Variants in BIRC6 observed in about 807,000 individuals in gnomAD.
The protein encoded by BIRC6 is dual E2 ubiquitin-conjugating enzyme/E3 ubiquitin-protein ligase BIRC6.
BIRC6 carries 98 observed loss-of-function variants against 503.3 expected under a neutral mutation model. The ratio of observed to expected loss-of-function variants is 0.19; its 90% CI spans 0.17 to 0.23. BIRC6 has a LOEUF of 0.23. BIRC6 is among the 10% of genes least tolerant of loss of function. BIRC6 has a pLI of 1.00. For synonymous variants in BIRC6, 2,240 were observed against 2,078.7 expected (o/e 1.08, Z -2.11); for missense variants, 5,360 against 5,806.0 (o/e 0.92, Z 2.50).
At chr2:32,401,648 T>G in intron 8 of BIRC6, 25 bp downstream of exon 8, 2 of 1,579,654 alleles carry the variant, frequency 1.3e-6, no homozygotes, top group Non-Finnish European at 1.7e-6. Context: ...TTTAGTAGTA[T>G]TTAATAGATG....
At chr2:32,460,891 G>A (rs1364529147) in intron 23 of BIRC6, among the ~76,000 whole-genome samples, 1 of 151,900 alleles carries the variant, frequency 6.6e-6, no homozygotes, top group Non-Finnish European at 1.5e-5. Flanking sequence ...CCCCTTGACT[G>A]TTGGGATTAA....
chr2:32,604,021 G>A lies in BIRC6; in HGVS notation c.14070+938G>A, dbSNP rs144847146. ...TGATCCAAATAGCTTTTTAAGTGAC[G>A]TTCTGTTGATCAGACAGTTCATGCT... On this transcript the variant is annotated intron_variant, in intron 71 of 73. Coordinates refer to ENST00000421745, the MANE Select transcript of BIRC6 (RefSeq NM_016252.4). Among the ~76,000 whole-genome samples, 92 of 152,062 alleles carry A rather than the reference G, an allele frequency of 6.1e-4. 1 individual carries two copies. The highest frequency in any genetic ancestry group is 1.1e-3 in the Non-Finnish European group (76 of 67,972).
intron 57 of BIRC6, among the ~76,000 whole-genome samples, chr2:32,520,583 C>T (rs2055547272): frequency 6.6e-6 from 1 of 152,128 alleles, no homozygotes; most frequent in South Asian, 2.1e-4. Context: ...TTTGCGAGGC[C>T]AAGGCAGGTG....
chr2:32,581,438 T>C lies in BIRC6; in HGVS notation c.13355+6072T>C, dbSNP rs139883367. Among the ~76,000 whole-genome samples the C allele has an allele frequency of 1.4e-4, 21 of 152,370 alleles. 1 individual carries two copies. The East Asian group carries it at 3.9e-3, about 28-fold the overall frequency. ...CTTGGCATTTGTGAGGAAGAACTTT[T>C]AGATGTTATACCACCTATGCTACTG... is the stretch of plus-strand genomic sequence containing the variant. On this transcript the variant is annotated intron_variant, in intron 66 of 73. Coordinates refer to ENST00000421745, the MANE Select transcript of BIRC6 (RefSeq NM_016252.4).
intron 66 of BIRC6, among the ~76,000 whole-genome samples, chr2:32,587,599 C>G (rs913106240): frequency 6.6e-6 from 1 of 152,008 alleles, no homozygotes; most frequent in Non-Finnish European, 1.5e-5. Flanking sequence ...TGGTGTGCAC[C>G]TGTAATCCTA....
chr2:32,357,407 C>T lies in BIRC6; in HGVS notation c.246C>T (p.Ile82=), dbSNP rs2033242723. 1.3e-6 allele frequency: 2 copies of T among 1,549,656 alleles called. No homozygotes were observed. Among genetic ancestry groups the T allele is most frequent in the East Asian group, 2.4e-5 (1 of 40,866 alleles). The change falls in exon 1 of 74, where the codon ATC becomes ATT. Residue 82 remains isoleucine, a synonymous_variant. Coordinates refer to ENST00000421745, the MANE Select transcript of BIRC6 (RefSeq NM_016252.4). This position sits in a 1 kb window ranked among gnomAD's most constrained non-coding sequence, Gnocchi z 4.9. ...CCTACCACCCTGCGCTCAACGCCAT[C>T]CTGGCCGTCACTAGCCGCGGGACCA... is the stretch of plus-strand genomic sequence containing the variant. The part of the protein sequence containing the change: ...SLSYHPALNA[I]LAVTSRGTIK...
chr2:32,584,240 A>T (rs548287647), intron 66 of BIRC6, among the ~76,000 whole-genome samples: 129 of 152,146 alleles, frequency 8.5e-4, no homozygotes, highest in African/African-American at 1.8e-3. Context: ...ATTTAAAAAA[A>T]TTTTTTTGGC....
chr2:32,560,756 T>C (rs746896916), intron 65 of BIRC6, among the ~76,000 whole-genome samples: 1 of 152,054 alleles, frequency 6.6e-6, no homozygotes, highest in Non-Finnish European at 1.5e-5. Context: ...TTTGTAGAAA[T>C]AGGTTCTCAT....
At chr2:32,446,380 G>T (rs542482207) in intron 21 of BIRC6, among the ~76,000 whole-genome samples, 1 of 152,312 alleles carries the variant, frequency 6.6e-6, no homozygotes, top group South Asian at 2.1e-4. Context: ...GATGAATTAA[G>T]CAATAGCAAA....
chr2:32,551,927 C>A (rs140631013), intron 65 of BIRC6, among the ~76,000 whole-genome samples: 30 of 152,192 alleles, frequency 2.0e-4, no homozygotes, highest in African/African-American at 7.0e-4. Context: ...ATAATTTTGC[C>A]TGAGACATTG....
Position 32,518,404 on chromosome 2 carries a change from A to G in BIRC6, c.11493+7A>G, listed in dbSNP as rs774993717. The G allele has an allele frequency of 1.9e-6, 3 of 1,600,568 alleles. No individual in the cohort carries two copies. Among genetic ancestry groups the G allele is most frequent in the Non-Finnish European group, 2.5e-6 (3 of 1,176,898 alleles). On this transcript the variant is annotated splice_region_variant and intron_variant, in intron 56 of 73. Transcript: ENST00000421745. Reference sequence around the variant, plus strand: ...TCTTCAGTCTCCATGTCCAGTGAGTATTTAACACTTAATCATTGGCTGTGT... The same window carrying G: ...TCTTCAGTCTCCATGTCCAGTGAGTGTTTAACACTTAATCATTGGCTGTGT...
At chr2:32,361,434 C>G (rs2034068972) in intron 1 of BIRC6, among the ~76,000 whole-genome samples, 1 of 152,048 alleles carries the variant, frequency 6.6e-6, no homozygotes, top group Non-Finnish European at 1.5e-5. Context: ...CCCATATGCC[C>G]TCTATCTCTG....
rs542216786 is a variant in BIRC6, at chr2:32,422,589, A to G, written c.2872+6426A>G. Among the ~76,000 whole-genome samples, 11 of 152,266 alleles carry G rather than the reference A, an allele frequency of 7.2e-5. No homozygotes were observed. In the South Asian group the frequency reaches 2.3e-3, roughly 32 times the overall value. Reference sequence around the variant, plus strand: ...TTTTCCTACAGATAATTGTTACTCAATAATTTTTATGTCTTTCCTTTTATA... The same window carrying G: ...TTTTCCTACAGATAATTGTTACTCAGTAATTTTTATGTCTTTCCTTTTATA... On this transcript the variant is annotated intron_variant, in intron 10 of 73. Transcript: ENST00000421745.
chr2:32,578,893 C>G (rs952083225), intron 66 of BIRC6, among the ~76,000 whole-genome samples: 5 of 148,208 alleles, frequency 3.4e-5, no homozygotes, highest in Non-Finnish European at 5.9e-5. Flanking sequence ...ACTGTGAAAT[C>G]CAAGGGTGAA....
chr2:32,546,373 A>T (rs2058052913), intron 63 of BIRC6, among the ~76,000 whole-genome samples: 1 of 152,172 alleles, frequency 6.6e-6, no homozygotes, highest in South Asian at 2.1e-4. Flanking sequence ...TGAGGTCAGG[A>T]GTTCGAGACT....
At chr2:32,483,389 C>G (rs553684414) in intron 39 of BIRC6, among the ~76,000 whole-genome samples, 22 of 152,244 alleles carry the variant, frequency 1.4e-4, no homozygotes, top group African/African-American at 5.3e-4. Context: ...TGTTTATTCT[C>G]TAGAACCATT....
At chr2:32,601,371 C>T (rs374402747) in intron 70 of BIRC6, among the ~76,000 whole-genome samples, 38 of 152,254 alleles carry the variant, frequency 2.5e-4, no homozygotes, top group Admixed American at 2.3e-3. Context: ...CACCTGAGGT[C>T]GGGAGTTTTA....
intron 34 of BIRC6, among the ~76,000 whole-genome samples, chr2:32,476,948 A>G (rs2049831927): frequency 1.3e-5 from 2 of 152,222 alleles, no homozygotes; most frequent in African/African-American, 4.8e-5. Context: ...GTCTTTCTAT[A>G]ACATGAAATT....
At position 32,513,101 on chromosome 2, in the gene BIRC6, T is replaced by C. The variant is rs552253948; in HGVS notation, c.10515T>C (p.Tyr3505=). 2 of 1,613,954 alleles carry C rather than the reference T, an allele frequency of 1.2e-6. No homozygotes were observed. The highest frequency in any genetic ancestry group is 1.1e-5 in the South Asian group (1 of 91,088). Reference sequence around the variant, plus strand: ...TAGCAGCCATTCTGTGGCATAGTTATGAGCTGCTTGTAGAATATGACTTAC... The same window carrying C: ...TAGCAGCCATTCTGTGGCATAGTTACGAGCTGCTTGTAGAATATGACTTAC... The part of the protein sequence containing the change: ...HCVAAILWHS[Y]ELLVEYDLPA... Residue 3505 remains tyrosine (Y), a synonymous_variant, in exon 54 of 74, where the codon TAT becomes TAC. Transcript: ENST00000421745.
Sources: gnomAD v4.1 joint callset for allele counts (sites outside exome capture counted in the v4.1 genomes callset) on GRCh38, gnomAD v4.1.1 for gene constraint, Gnocchi (gnomAD v3.1) non-coding constraint, MANE v1.5 for transcripts, NCBI Gene and HGNC (gene_info 2026-07-23, HGNC 2026-07-21) for gene names.